The following KCNQ3 variants were observed in gnomAD, a reference collection of about 807,000 sequenced individuals.
The protein encoded by KCNQ3 is potassium voltage-gated channel subfamily KQT member 3.
A neutral mutation model predicts 92.5 loss-of-function variants in KCNQ3; 30 were observed. The ratio of observed to expected loss-of-function variants is 0.32; its 90% CI spans 0.24 to 0.44. The LOEUF (loss-of-function observed/expected upper bound fraction) is 0.44, where lower values mean the gene tolerates loss of function less well. KCNQ3 is among the 20% of genes least tolerant of loss of function. KCNQ3 has a pLI of 1.00. For missense variants in KCNQ3, 913 were observed against 1,140.3 expected (o/e 0.80, Z 2.87); for synonymous variants, 450 against 468.8 (o/e 0.96, Z 0.52).
Position 132,123,424 on chromosome 8 carries a change from G to A in KCNQ3, c.*5838C>T, listed in dbSNP as rs1399974536. The stretch of plus-strand genomic sequence containing the variant: ...TGAAGACAGCAGGAATCTGGGAGAA[G>A]GAACATCATCGTCTTTCACAGCATG... On this transcript the variant is annotated 3_prime_UTR_variant, in exon 15 of 15. Transcript: ENST00000388996. 6.6e-6 allele frequency: 1 copy of A among 152,224 alleles called. No individual in the cohort carries two copies. Among genetic ancestry groups the A allele is most frequent in the Non-Finnish European group, 1.5e-5 (1 of 68,078 alleles). The allele number at this position is 152,224 out of a possible 1,614,324, so 9.4% of individuals were successfully genotyped here. A position where few individuals can be genotyped will look rare whatever the true frequency, so the allele number is the denominator to read the frequency against.
intron 1 of KCNQ3, among the ~76,000 whole-genome samples, chr8:132,356,789 T>G (rs1392943750): frequency 6.6e-6 from 1 of 152,140 alleles, no homozygotes; most frequent in East Asian, 1.9e-4. Flanking sequence ...TTTTGTTGAG[T>G]GATGGCCCAG....
chr8:132,258,527 T>C (rs1815667032), intron 1 of KCNQ3, among the ~76,000 whole-genome samples: 2 of 151,882 alleles, frequency 1.3e-5, no homozygotes, highest in Admixed American at 6.6e-5. Flanking sequence ...AGAGAAAAAT[T>C]TACAGTTGTA....
chr8:132,249,226 T>C (rs1261233136), intron 1 of KCNQ3, among the ~76,000 whole-genome samples: 1 of 152,206 alleles, frequency 6.6e-6, no homozygotes. Context: ...AGGTTGCCAC[T>C]GCCAGCTGGG....
intron 11 of KCNQ3, among the ~76,000 whole-genome samples, chr8:132,139,821 T>C (rs1825225701): frequency 6.6e-6 from 1 of 152,132 alleles, no homozygotes; most frequent in Non-Finnish European, 1.5e-5. Context: ...GGAAATACTG[T>C]CAGGAGGGCT....
Position 132,387,844 on chromosome 8 carries a change from A to T in KCNQ3, c.386+92303T>A, listed in dbSNP as rs558425389. 3.3e-5 allele frequency among the ~76,000 whole-genome samples: 5 copies of T among 152,094 alleles called. No homozygotes were observed. The South Asian group carries it at 8.3e-4, about 25-fold the overall frequency. On this transcript the variant is annotated intron_variant, in intron 1 of 14. Coordinates refer to ENST00000388996, the MANE Select transcript of KCNQ3 (RefSeq NM_004519.4). ...AGTGAGATCCCATCTCTACAAAAAAAATTTTTTTAATTAGCCACTTGAACC... is the reference window on the plus strand; with the variant it reads ...AGTGAGATCCCATCTCTACAAAAAATATTTTTTTAATTAGCCACTTGAACC...
chr8:132,250,881 G>A (rs994470993), intron 1 of KCNQ3, among the ~76,000 whole-genome samples: 6 of 152,172 alleles, frequency 3.9e-5, no homozygotes, highest in Non-Finnish European at 5.9e-5. Flanking sequence ...ACTGTATTGA[G>A]GAAGGATTTT....
intron 1 of KCNQ3, among the ~76,000 whole-genome samples, chr8:132,455,081 T>C (rs1163435355): frequency 1.3e-5 from 2 of 152,168 alleles, no homozygotes; most frequent in Non-Finnish European, 2.9e-5. Flanking sequence ...GAAAAAAACA[T>C]TCTGTGCCAC....
At chr8:132,453,608 T>C (rs1292034052) in intron 1 of KCNQ3, among the ~76,000 whole-genome samples, 2 of 152,042 alleles carry the variant, frequency 1.3e-5, no homozygotes, top group East Asian at 3.9e-4. Flanking sequence ...CTCCCTCCTC[T>C]TCCCCTCCAA....
At chr8:132,356,331 T>C (rs978481577) in intron 1 of KCNQ3, among the ~76,000 whole-genome samples, 5 of 152,154 alleles carry the variant, frequency 3.3e-5, no homozygotes, top group African/African-American at 7.2e-5. Context: ...CAGGGACTGA[T>C]TGAAAAGATA....
At chr8:132,154,846 A>G (rs934975813) in intron 9 of KCNQ3, among the ~76,000 whole-genome samples, 1 of 152,202 alleles carries the variant, frequency 6.6e-6, no homozygotes, top group Admixed American at 6.5e-5. Context: ...TTTCCTGGTC[A>G]TGTGAGAAGA....
intron 1 of KCNQ3, among the ~76,000 whole-genome samples, chr8:132,324,396 A>G (rs1817981927): frequency 6.6e-6 from 1 of 152,234 alleles, no homozygotes; most frequent in Non-Finnish European, 1.5e-5. Flanking sequence ...AACTCAGTAG[A>G]TATTTGTTAA....
chr8:132,368,722 C>T (rs1410785674), intron 1 of KCNQ3, among the ~76,000 whole-genome samples: 4 of 152,034 alleles, frequency 2.6e-5, no homozygotes, highest in Admixed American at 2.6e-4. Context: ...GCACTACCTA[C>T]TTTTTACAAC....
Position 132,122,237 on chromosome 8 carries a change from C to A in KCNQ3, c.*7025G>T, listed in dbSNP as rs1188525650. 1.3e-5 allele frequency: 2 copies of A among 152,196 alleles called. No individual in the cohort carries two copies. The highest frequency in any genetic ancestry group is 3.9e-4 in the East Asian group (2 of 5,190). The allele number at this position is 152,196 out of a possible 1,614,324, so 9.4% of individuals were successfully genotyped here. A position where few individuals can be genotyped will look rare whatever the true frequency, so the allele number is the denominator to read the frequency against. On this transcript the variant is annotated 3_prime_UTR_variant, in exon 15 of 15. Transcript: ENST00000388996. ...AAGATGGAGACAATAACATCTCCCT[C>A]ATGGGGTTGCGATGAGGATTGCATG...
intron 1 of KCNQ3, among the ~76,000 whole-genome samples, chr8:132,388,439 C>CA (rs1819956375): frequency 1.3e-5 from 2 of 152,012 alleles, no homozygotes; most frequent in African/African-American, 2.4e-5. Context: ...ACAAGTTCAA[C>CA]AATAGGGTAC....
chr8:132,315,432 G>T (rs1426058849), intron 1 of KCNQ3, among the ~76,000 whole-genome samples: 1 of 152,142 alleles, frequency 6.6e-6, no homozygotes, highest in African/African-American at 2.4e-5. Context: ...AAGGGATAAT[G>T]GTTAGGATAT....
chr8:132,392,790 C>CAAAAAAA (rs56183412), intron 1 of KCNQ3, among the ~76,000 whole-genome samples: 58 of 72,618 alleles, frequency 8.0e-4, no homozygotes, highest in Non-Finnish European at 1.1e-3. Flanking sequence ...GAACCTGTCT[C>CAAAAAAA]AAAAAAAAAA....
intron 1 of KCNQ3, among the ~76,000 whole-genome samples, chr8:132,384,224 G>A (rs1181223765): frequency 2.0e-5 from 3 of 152,112 alleles, no homozygotes; most frequent in Non-Finnish European, 2.9e-5. Flanking sequence ...CCCTTGTCCC[G>A]GTGAGCTGCT....
At chr8:132,227,477 A>T (rs1299698257) in intron 1 of KCNQ3, among the ~76,000 whole-genome samples, 2 of 152,142 alleles carry the variant, frequency 1.3e-5, no homozygotes, top group Non-Finnish European at 2.9e-5. Context: ...GTCTAAAAGG[A>T]AGGCCTCTGG....
chr8:132,344,940 G>A (rs1818639102), intron 1 of KCNQ3, among the ~76,000 whole-genome samples: 1 of 152,144 alleles, frequency 6.6e-6, no homozygotes, highest in Admixed American at 6.5e-5. Flanking sequence ...TAACCCAAAG[G>A]AGAGGACAAA....
Sources: gnomAD v4.1 joint callset for allele counts (sites outside exome capture counted in the v4.1 genomes callset) on GRCh38, gnomAD v4.1.1 for gene constraint, MANE v1.5 for transcripts, NCBI Gene and HGNC (gene_info 2026-07-23, HGNC 2026-07-21) for gene names.